CACNB2: variants seen among roughly 807,000 people sequenced by gnomAD.
The protein encoded by CACNB2 is calcium voltage-gated channel auxiliary subunit beta 2, also known as voltage-dependent L-type calcium channel subunit beta-2.
CACNB2 carries 42 observed loss-of-function variants against 73.3 expected under a neutral mutation model. That is an observed-to-expected ratio of 0.57 (90% confidence interval 0.45 to 0.74). CACNB2 has a LOEUF of 0.74. Ranked by LOEUF, CACNB2 falls within the 30% of genes least tolerant of loss-of-function variation. The pLI, the probability that CACNB2 is intolerant of heterozygous loss-of-function variation, is 0.00. For missense variants in CACNB2, 940 were observed against 853.0 expected (o/e 1.10, Z -1.27); for synonymous variants, 348 against 310.3 (o/e 1.12, Z -1.28).
intron 2 of CACNB2, among the ~76,000 whole-genome samples, chr10:18,345,439 A>G (rs2041409065): frequency 6.6e-6 from 1 of 152,152 alleles, no homozygotes. Context: ...TTTCTGTGCG[A>G]ATTGTTTCAT....
At chr10:18,472,221 C>CTTTTTTTT (rs200348808) in intron 3 of CACNB2, among the ~76,000 whole-genome samples, 140 of 119,398 alleles carry the variant, frequency 1.2e-3, no homozygotes, top group East Asian at 2.6e-3. Context: ...CACTTTTCTT[C>CTTTTTTTT]TTTTTTTTTT....
Position 18,222,822 on chromosome 10 carries a change from A to G in CACNB2, c.213+71847A>G, listed in dbSNP as rs532327629. Among the ~76,000 whole-genome samples the G allele has an allele frequency of 7.9e-4, 121 of 152,308 alleles. 1 individual carries two copies. The Middle Eastern group carries it at 0.031, about 39-fold the overall frequency. ...CGTGGTGGTGGACGCCTGTAATCCCAGCTACTTGGGAGGCTGAGGCAGGAG... is the reference window on the plus strand; with the variant it reads ...CGTGGTGGTGGACGCCTGTAATCCCGGCTACTTGGGAGGCTGAGGCAGGAG... On this transcript the variant is annotated intron_variant, in intron 2 of 13. Transcript: ENST00000324631.
chr10:18,179,963 C>T (rs1396005775), intron 2 of CACNB2, among the ~76,000 whole-genome samples: 1 of 152,102 alleles, frequency 6.6e-6, no homozygotes, highest in East Asian at 1.9e-4. Context: ...AGGACGTGTC[C>T]TGAAGATTCC....
At chr10:18,439,555 T>A (rs1248072827) in intron 3 of CACNB2, among the ~76,000 whole-genome samples, 2 of 152,204 alleles carry the variant, frequency 1.3e-5, no homozygotes, top group Non-Finnish European at 2.9e-5. Context: ...CTTCTCCAAG[T>A]ATTCTGAATT....
At chr10:18,458,007 G>A (rs894580901) in intron 3 of CACNB2, among the ~76,000 whole-genome samples, 19 of 152,136 alleles carry the variant, frequency 1.2e-4, no homozygotes, top group Middle Eastern at 3.2e-3. Context: ...ATAATTACCA[G>A]CCTTGGACTA....
intron 2 of CACNB2, among the ~76,000 whole-genome samples, chr10:18,393,204 A>AC (rs997066085): frequency 6.6e-6 from 1 of 151,846 alleles, no homozygotes; most frequent in African/African-American, 2.4e-5. Context: ...ATGTCAAAAA[A>AC]AAAAAAATCA....
intron 2 of CACNB2, among the ~76,000 whole-genome samples, chr10:18,168,698 T>A (rs1264827589): frequency 1.3e-5 from 2 of 152,218 alleles, no homozygotes; most frequent in Non-Finnish European, 2.9e-5. Flanking sequence ...TAGGCTCTTT[T>A]TATCAATGGT....
At chr10:18,186,208 T>C (rs1011283854) in intron 2 of CACNB2, among the ~76,000 whole-genome samples, 3 of 151,850 alleles carry the variant, frequency 2.0e-5, no homozygotes, top group Admixed American at 6.6e-5. Context: ...TCACCTGAGG[T>C]CAGGAGTTCG....
chr10:18,278,986 C>A (rs1380978126), intron 2 of CACNB2, among the ~76,000 whole-genome samples: 1 of 152,082 alleles, frequency 6.6e-6, no homozygotes, highest in East Asian at 1.9e-4. Flanking sequence ...CACTGCACTC[C>A]AGCTTGGACA....
At chr10:18,181,165 A>C (rs537021870) in intron 2 of CACNB2, among the ~76,000 whole-genome samples, 111 of 151,706 alleles carry the variant, frequency 7.3e-4, no homozygotes, top group African/African-American at 2.4e-3. Flanking sequence ...ACCCAGGGTC[A>C]CCTTGCCCTC....
chr10:18,159,173 C>A (rs1232100726), intron 2 of CACNB2, among the ~76,000 whole-genome samples: 1 of 151,990 alleles, frequency 6.6e-6, no homozygotes, highest in African/African-American at 2.4e-5. Flanking sequence ...TGACTGCCAG[C>A]TTTGCTTTAT....
chr10:18,376,800 T>C (rs2042817635), intron 2 of CACNB2, among the ~76,000 whole-genome samples: 1 of 152,102 alleles, frequency 6.6e-6, no homozygotes, highest in African/African-American at 2.4e-5. Context: ...ATGTCCCCGG[T>C]CAGGGAGGAG....
chr10:18,316,486 C>G (rs1403360639), intron 2 of CACNB2, among the ~76,000 whole-genome samples: 1 of 146,784 alleles, frequency 6.8e-6, no homozygotes, highest in Non-Finnish European at 1.5e-5. Flanking sequence ...TTTTTTAAGA[C>G]AGAGTCTCGC....
intron 2 of CACNB2, among the ~76,000 whole-genome samples, chr10:18,208,676 T>G (rs187840669): frequency 3.9e-4 from 59 of 152,160 alleles, no homozygotes; most frequent in African/African-American, 1.4e-3. Context: ...TCATTCCTTA[T>G]TGCTTGTTCA....
At chr10:18,379,634 A>G (rs575054785) in intron 2 of CACNB2, among the ~76,000 whole-genome samples, 2 of 152,228 alleles carry the variant, frequency 1.3e-5, no homozygotes, top group East Asian at 3.9e-4. Context: ...CTCTGTGCCC[A>G]TTAAGCACTA....
chr10:18,374,874 T>C (rs979541894), intron 2 of CACNB2, among the ~76,000 whole-genome samples: 3 of 152,192 alleles, frequency 2.0e-5, no homozygotes, highest in African/African-American at 7.2e-5. Context: ...GTAATGTAAT[T>C]TGTCCAGTAG....
chr10:18,266,767 G>A (rs894656951), intron 2 of CACNB2, among the ~76,000 whole-genome samples: 20 of 152,138 alleles, frequency 1.3e-4, no homozygotes, highest in African/African-American at 4.8e-4. Context: ...GTGCATGCCT[G>A]TAATCCCAGC....
intron 2 of CACNB2, among the ~76,000 whole-genome samples, chr10:18,388,646 T>C (rs1223870310): frequency 1.3e-5 from 2 of 152,202 alleles, no homozygotes; most frequent in Non-Finnish European, 2.9e-5. Flanking sequence ...AATTACTGGG[T>C]CATTTTGGCC....
At chr10:18,525,499 G>A (rs2052381027) in intron 9 of CACNB2, among the ~76,000 whole-genome samples, 2 of 152,106 alleles carry the variant, frequency 1.3e-5, no homozygotes, top group Non-Finnish European at 2.9e-5. Flanking sequence ...GCTTTGAGAA[G>A]TACAAAGCAT....
Sources: gnomAD v4.1 joint callset for allele counts (sites outside exome capture counted in the v4.1 genomes callset) on GRCh38, gnomAD v4.1.1 for gene constraint, MANE v1.5 for transcripts, NCBI Gene and HGNC (gene_info 2026-07-23, HGNC 2026-07-21) for gene names.